The following SCARA5 variants were observed in gnomAD, a reference collection of about 807,000 sequenced individuals.
SCARA5 encodes the protein scavenger receptor class A member 5.
A neutral mutation model predicts 46.3 loss-of-function variants in SCARA5; 45 were observed. The observed-to-expected ratio is 0.97, with a 90% CI of 0.76 to 1.24. The LOEUF is 1.24. Among genes scored for constraint, SCARA5 ranks in the 50% most tolerant of loss-of-function variants. SCARA5 has a pLI of 0.00. For synonymous variants in SCARA5, 333 were observed against 306.5 expected, an observed-to-expected ratio of 1.09 and a Z score of -0.90; for missense variants, 680 against 689.0, an observed-to-expected ratio of 0.99 and a Z score of 0.15.
intron 2 of SCARA5, among the ~76,000 whole-genome samples, chr8:27,970,824 A>T (rs1351120903): frequency 1.3e-5 from 2 of 152,212 alleles, no homozygotes; most frequent in African/African-American, 4.8e-5. Context: ...GTCCTCCCAG[A>T]TTATATAGAC....
chr8:27,934,648 TG>T (rs1007402162), intron 3 of SCARA5, among the ~76,000 whole-genome samples: 5 of 152,186 alleles, frequency 3.3e-5, no homozygotes, highest in African/African-American at 1.2e-4. Context: ...GGGCTGTGAC[TG>T]GGTCATGGAT....
chr8:27,875,309 G>C (rs1318710668), intron 8 of SCARA5, among the ~76,000 whole-genome samples: 2 of 151,774 alleles, frequency 1.3e-5, no homozygotes, highest in Non-Finnish European at 2.9e-5. Flanking sequence ...GCCCCAGGTA[G>C]TTTTGGGTTT....
intron 7 of SCARA5, among the ~76,000 whole-genome samples, chr8:27,901,479 C>G (rs1317307096): frequency 6.6e-6 from 1 of 152,156 alleles, no homozygotes. Context: ...ACTAAGAAAC[C>G]CTCAGACATG....
intron 2 of SCARA5, 106 bp from the exon 3 acceptor site, chr8:27,966,648 T>A: frequency 8.0e-7 from 1 of 1,243,002 alleles, no homozygotes; most frequent in Non-Finnish European, 1.1e-6. Flanking sequence ...GATGTTCATG[T>A]TGAACTTCTC....
At chr8:27,936,687 C>T (rs939935196) in intron 3 of SCARA5, among the ~76,000 whole-genome samples, 1 of 148,796 alleles carries the variant, frequency 6.7e-6, no homozygotes, top group Admixed American at 6.8e-5. Context: ...TAAACCCTGT[C>T]TCTGGCACAC....
At chr8:27,902,483 G>A (rs1387978958) in intron 7 of SCARA5, among the ~76,000 whole-genome samples, 4 of 152,182 alleles carry the variant, frequency 2.6e-5, no homozygotes, top group South Asian at 2.1e-4. Context: ...ACAGCATGGG[G>A]AACGCCCTGC....
chr8:27,946,568 C>T (rs1183191991), intron 3 of SCARA5, among the ~76,000 whole-genome samples: 3 of 152,228 alleles, frequency 2.0e-5, no homozygotes, highest in Non-Finnish European at 4.4e-5. Context: ...ATTGTTTAAG[C>T]CATGCAGGCT....
intron 2 of SCARA5, among the ~76,000 whole-genome samples, chr8:27,980,907 C>T (rs999230654): frequency 6.6e-6 from 1 of 152,166 alleles, no homozygotes; most frequent in African/African-American, 2.4e-5. Flanking sequence ...CCAGGATCAG[C>T]CCGAAAACAC....
intron 7 of SCARA5, among the ~76,000 whole-genome samples, chr8:27,895,740 G>A (rs143109043): frequency 1.7e-4 from 26 of 152,298 alleles, no homozygotes; most frequent in African/African-American, 6.3e-4. Flanking sequence ...GGACTTTGCT[G>A]GGTAGAAGGA....
chr8:27,941,046 GT>G (rs1172695383), intron 3 of SCARA5, among the ~76,000 whole-genome samples: 1 of 151,886 alleles, frequency 6.6e-6, no homozygotes, highest in African/African-American at 2.4e-5. Flanking sequence ...GGGATTCAGA[GT>G]CTTTTCTACA....
At chr8:27,872,797 TAAAG>T (rs934015350) in intron 8 of SCARA5, among the ~76,000 whole-genome samples, 1 of 150,252 alleles carries the variant, frequency 6.7e-6, no homozygotes, top group Non-Finnish European at 1.5e-5. Context: ...GACTAACAAA[TAAAG>T]AACAGTTCCA....
At chr8:27,989,447 C>T (rs1189315901) in intron 1 of SCARA5, among the ~76,000 whole-genome samples, 1 of 152,136 alleles carries the variant, frequency 6.6e-6, no homozygotes, top group Non-Finnish European at 1.5e-5. Context: ...ATTTTCATGA[C>T]TTGAGCTTGG....
At position 27,872,089 on chromosome 8, in the gene SCARA5, A is replaced by T. The variant is rs1188307300; in HGVS notation, c.1352-19T>A. On this transcript the variant is annotated intron_variant, in intron 8 of 8. Coordinates refer to ENST00000354914, the MANE Select transcript of SCARA5 (RefSeq NM_173833.6). ...CCAGTGCCTGTGGAGACAGGGAAAC[A>T]CAGCTATAAGCGGATACACAGGAGG... 1 of 1,614,104 alleles carries T rather than the reference A, an allele frequency of 6.2e-7. No homozygotes were observed. The highest frequency in any genetic ancestry group is 1.7e-5 in the Admixed American group (1 of 60,028).
intron 7 of SCARA5, among the ~76,000 whole-genome samples, chr8:27,884,550 C>A (rs1156303243): frequency 6.6e-6 from 1 of 152,236 alleles, no homozygotes; most frequent in Non-Finnish European, 1.5e-5. Context: ...CAAGAAGTGG[C>A]AGGAGGGTGC....
At chr8:27,941,189 T>C (rs562852729) in intron 3 of SCARA5, among the ~76,000 whole-genome samples, 1 of 152,178 alleles carries the variant, frequency 6.6e-6, no homozygotes, top group South Asian at 2.1e-4. Context: ...AGGAAGCAGA[T>C]TTTATAATTC....
At position 27,963,471 on chromosome 8, in the gene SCARA5, G is replaced by A. The variant is rs572916094; in HGVS notation, c.241+2943C>T. Reference sequence around the variant, plus strand: ...TTGGAGGTAGGAGGAGGCTCTTGCCGTCTCCTTGGGAGATGATGACAGGCT... The same window carrying A: ...TTGGAGGTAGGAGGAGGCTCTTGCCATCTCCTTGGGAGATGATGACAGGCT... On this transcript the variant is annotated intron_variant, in intron 3 of 8. Transcript: ENST00000354914. 2.5e-3 allele frequency among the ~76,000 whole-genome samples: 378 copies of A among 152,308 alleles called. 3 individuals are homozygous for A. The highest frequency in any genetic ancestry group is 8.4e-3 in the African/African-American group (351 of 41,562).
At position 27,871,469 on chromosome 8, in the gene SCARA5, C is replaced by T. The variant is rs1302197454; in HGVS notation, c.*465G>A. 2.9e-5 allele frequency: 29 copies of T among 989,708 alleles called. No individual in the cohort carries two copies. The highest frequency in any genetic ancestry group is 3.5e-5 in the Non-Finnish European group (29 of 832,612). 61.3% of individuals were successfully genotyped at this position (989,708 alleles called of 1,614,324 possible). On this transcript the variant is annotated 3_prime_UTR_variant, in exon 9 of 9. Transcript: ENST00000354914. ...GGAAATTCATCACTTGACGTTGCCT[C>T]TTGCTGGGGAGGAAGATGTAGAAAC...
Position 27,917,939 on chromosome 8 carries a change from C to G in SCARA5, c.916+3632G>C, listed in dbSNP as rs560036424. 2.3e-3 allele frequency among the ~76,000 whole-genome samples: 352 copies of G among 152,254 alleles called. 1 individual carries two copies. The highest frequency in any genetic ancestry group is 4.2e-3 in the Non-Finnish European group (286 of 68,020). On this transcript the variant is annotated intron_variant, in intron 4 of 8. Transcript: ENST00000354914. ...TGGGATGTGAAGGCCCAAAGTGACCCAGGACCAGGAACCCAAACTGGGTAG... is the reference window on the plus strand; with the variant it reads ...TGGGATGTGAAGGCCCAAAGTGACCGAGGACCAGGAACCCAAACTGGGTAG...
chr8:27,902,557 A>G (rs1459940485), intron 7 of SCARA5, among the ~76,000 whole-genome samples: 1 of 152,174 alleles, frequency 6.6e-6, no homozygotes, highest in Non-Finnish European at 1.5e-5. Flanking sequence ...AGAATTCCCA[A>G]CAAGAGCCCC....
Sources: gnomAD v4.1 joint callset for allele counts (sites outside exome capture counted in the v4.1 genomes callset) on GRCh38, gnomAD v4.1.1 for gene constraint, MANE v1.5 for transcripts, NCBI Gene and HGNC (gene_info 2026-07-23, HGNC 2026-07-21) for gene names.